Variants in CAMK1D observed in about 807,000 individuals in gnomAD.
CAMK1D encodes the protein calcium/calmodulin-dependent protein kinase type 1D.
CAMK1D carries 9 observed loss-of-function variants against 47.7 expected under a neutral mutation model. That is an observed-to-expected ratio of 0.19 (90% CI 0.11 to 0.33). CAMK1D has a LOEUF of 0.33. CAMK1D is among the 10% of genes least tolerant of loss of function. The pLI is 1.00. For missense variants in CAMK1D, 291 were observed against 488.7 expected, an observed-to-expected ratio of 0.60 and a Z score of 3.81; for synonymous variants, 184 against 184.9, an observed-to-expected ratio of 0.99 and a Z score of 0.04.
At chr10:12,611,832 A>G (rs1221322826) in intron 2 of CAMK1D, among the ~76,000 whole-genome samples, 1 of 152,014 alleles carries the variant, frequency 6.6e-6, no homozygotes, top group African/African-American at 2.4e-5. Flanking sequence ...ACCTCAGGCG[A>G]TCTACCCGCC....
rs536874692 is a variant in CAMK1D, at chr10:12,739,436, C to T, written c.300-21512C>T. Among the ~76,000 whole-genome samples the T allele has an allele frequency of 4.0e-4, 59 of 148,760 alleles. No homozygotes were observed. In the South Asian group the frequency reaches 0.012, roughly 31 times the overall value. On this transcript the variant is annotated intron_variant, in intron 3 of 10. Coordinates refer to ENST00000619168, the MANE Select transcript of CAMK1D (RefSeq NM_153498.4). ...GATTACAGGTGCATGCCACCACACC[C>T]GGCTAATTTTTTTTTTTTTTTTTTT...
At chr10:12,389,544 G>A (rs901111483) in intron 1 of CAMK1D, among the ~76,000 whole-genome samples, 4 of 152,100 alleles carry the variant, frequency 2.6e-5, no homozygotes, top group South Asian at 2.1e-4. Flanking sequence ...CTCTCTGCAC[G>A]TTGGCAGAAT....
At chr10:12,547,691 C>CAG (rs1279912354) in intron 1 of CAMK1D, among the ~76,000 whole-genome samples, 1 of 143,210 alleles carries the variant, frequency 7.0e-6, no homozygotes, top group Non-Finnish European at 1.5e-5. Context: ...CTCACACACA[C>CAG]ACACACACAC....
chr10:12,500,820 T>G (rs954462695), intron 1 of CAMK1D, among the ~76,000 whole-genome samples: 1 of 152,232 alleles, frequency 6.6e-6, no homozygotes, highest in African/African-American at 2.4e-5. Context: ...ACTTGTTGAT[T>G]AAAAATGACA....
At position 12,751,112 on chromosome 10, in the gene CAMK1D, AT is replaced by A. The variant is rs756578270; in HGVS notation, c.300-9835del. Among the ~76,000 whole-genome samples, 608 of 107,444 alleles carry A rather than the reference AT, an allele frequency of 5.7e-3. 1 individual carries two copies. The highest frequency in any genetic ancestry group is 8.6e-3 in the Non-Finnish European group (444 of 51,662). 70.5% of individuals were successfully genotyped at this position (107,444 alleles called of 152,430 possible). ...ATAAGATAAGATAAGATAAGATAAG[AT>A]AAGATAAGATAAGAAGGCTTCAGAA... is the stretch of plus-strand genomic sequence containing the variant. On this transcript the variant is annotated intron_variant, in intron 3 of 10. Transcript: ENST00000619168.
intron 3 of CAMK1D, among the ~76,000 whole-genome samples, chr10:12,670,782 C>T (rs933519642): frequency 6.6e-6 from 1 of 152,150 alleles, no homozygotes; most frequent in Non-Finnish European, 1.5e-5. Context: ...CTCCTGACCT[C>T]AGGTGATCCA....
chr10:12,424,827 C>T (rs1564331811), intron 1 of CAMK1D, among the ~76,000 whole-genome samples: 1 of 152,072 alleles, frequency 6.6e-6, no homozygotes, highest in Non-Finnish European at 1.5e-5. Flanking sequence ...AAACCAAAAA[C>T]CCATTAGGGA....
At chr10:12,654,367 G>A (rs922289436) in intron 2 of CAMK1D, among the ~76,000 whole-genome samples, 2 of 152,204 alleles carry the variant, frequency 1.3e-5, no homozygotes, top group Non-Finnish European at 2.9e-5. Flanking sequence ...AGCTACAAGA[G>A]TTAATCTCTG....
intron 1 of CAMK1D, among the ~76,000 whole-genome samples, chr10:12,386,923 C>T (rs1455788377): frequency 1.3e-5 from 2 of 152,098 alleles, no homozygotes; most frequent in South Asian, 2.1e-4. Context: ...TTTACTCAGC[C>T]GGGCGCAGTA....
intron 3 of CAMK1D, among the ~76,000 whole-genome samples, chr10:12,680,632 C>G (rs1840960618): frequency 6.6e-6 from 1 of 152,022 alleles, no homozygotes; most frequent in Admixed American, 6.6e-5. Flanking sequence ...GTGGCAGCCC[C>G]AATGAATGTA....
intron 3 of CAMK1D, among the ~76,000 whole-genome samples, chr10:12,734,359 T>A (rs867711292): frequency 1.2e-3 from 6 of 4,892 alleles, no homozygotes; most frequent in African/African-American, 1.2e-3. Flanking sequence ...TATATATATA[T>A]ATATATATAT....
intron 3 of CAMK1D, among the ~76,000 whole-genome samples, chr10:12,668,998 G>A (rs1292152795): frequency 6.6e-6 from 1 of 152,112 alleles, no homozygotes; most frequent in Admixed American, 6.5e-5. Flanking sequence ...TTGGGAGTTC[G>A]AGGCTGGCAG....
chr10:12,450,058 A>G (rs539255131), intron 1 of CAMK1D, among the ~76,000 whole-genome samples: 1 of 148,868 alleles, frequency 6.7e-6, no homozygotes, highest in African/African-American at 2.5e-5. Context: ...TTACACCCAT[A>G]CTAACAGTAG....
At chr10:12,375,885 G>T (rs562544597) in intron 1 of CAMK1D, among the ~76,000 whole-genome samples, 1 of 152,008 alleles carries the variant, frequency 6.6e-6, no homozygotes, top group Non-Finnish European at 1.5e-5. Flanking sequence ...GCATGCAGCC[G>T]GGCACGGTGG....
chr10:12,561,557 C>G (rs1164164934), intron 2 of CAMK1D, among the ~76,000 whole-genome samples: 1 of 152,172 alleles, frequency 6.6e-6, no homozygotes, highest in Non-Finnish European at 1.5e-5. Flanking sequence ...CTGTGCTGAA[C>G]TTTCCCCTAA....
At chr10:12,656,363 A>AT (rs1840115019) in intron 2 of CAMK1D, among the ~76,000 whole-genome samples, 1 of 152,190 alleles carries the variant, frequency 6.6e-6, no homozygotes, top group Non-Finnish European at 1.5e-5. Flanking sequence ...GTGGTGGCAC[A>AT]TGCCTGTGGT....
intron 3 of CAMK1D, among the ~76,000 whole-genome samples, chr10:12,695,703 A>G (rs980062326): frequency 6.6e-6 from 1 of 152,076 alleles, no homozygotes; most frequent in African/African-American, 2.4e-5. Context: ...GTTACCCTGG[A>G]TAGAGGTGTT....
chr10:12,629,465 C>G (rs1839316151), intron 2 of CAMK1D, among the ~76,000 whole-genome samples: 1 of 152,112 alleles, frequency 6.6e-6, no homozygotes, highest in South Asian at 2.1e-4. Context: ...AAAGGTGAGT[C>G]CTTTCTTCCA....
intron 1 of CAMK1D, among the ~76,000 whole-genome samples, chr10:12,366,859 T>G (rs1366338798): frequency 6.6e-6 from 1 of 152,066 alleles, no homozygotes. Flanking sequence ...GTGCATTGGC[T>G]GTGGATATAG....
Sources: allele counts gnomAD v4.1 joint callset (sites outside exome capture counted in the v4.1 genomes callset), GRCh38; gene constraint gnomAD v4.1.1; transcripts MANE v1.5; gene names NCBI Gene and HGNC (gene_info 2026-07-23, HGNC 2026-07-21).